DNAH14: variants seen among roughly 807,000 people sequenced by gnomAD.
DNAH14 encodes axonemal beta dynein heavy chain 14.
DNAH14 carries 478 observed loss-of-function variants against 520.9 expected under a neutral mutation model. The observed-to-expected ratio is 0.92, with a 90% confidence interval of 0.85 to 0.99. DNAH14 has a LOEUF of 0.99. DNAH14 is among the 50% of genes least tolerant of loss of function. The probability of loss-of-function intolerance (pLI) is 0.00; values close to 1 mark genes in which losing one functional copy is unlikely to be tolerated. For synonymous variants in DNAH14, 1,581 were observed against 1,757.2 expected, an observed-to-expected ratio of 0.90 and a Z score of 2.51; for missense variants, 4,831 against 5,234.5, an observed-to-expected ratio of 0.92 and a Z score of 2.38.
At chr1:225,223,976 G>T (rs1360521343) in intron 41 of DNAH14, among the ~76,000 whole-genome samples, 1 of 152,106 alleles carries the variant, frequency 6.6e-6, no homozygotes, top group African/African-American at 2.4e-5. Context: ...CAGTTAAGAG[G>T]TTTAATCATA....
chr1:225,046,319 T>C (rs938368489), intron 15 of DNAH14, among the ~76,000 whole-genome samples: 6 of 152,116 alleles, frequency 3.9e-5, no homozygotes, highest in Non-Finnish European at 8.8e-5. Flanking sequence ...ATTACAAAGG[T>C]ATTTAGAACC....
intron 27 of DNAH14, among the ~76,000 whole-genome samples, chr1:225,125,748 G>T (rs1308121479): frequency 6.6e-6 from 1 of 152,146 alleles, no homozygotes; most frequent in Non-Finnish European, 1.5e-5. Context: ...TTTTCTTCAA[G>T]AATTTTTTTC....
chr1:225,390,224 A>C (rs2095890176), intron 83 of DNAH14, among the ~76,000 whole-genome samples: 1 of 152,172 alleles, frequency 6.6e-6, no homozygotes, highest in Non-Finnish European at 1.5e-5. Context: ...GCAACTTCAC[A>C]AGATTGACTC....
At chr1:225,100,562 C>T in intron 22 of DNAH14, 151 bp from the exon 23 acceptor site, 2 of 624,332 alleles carry the variant, frequency 3.2e-6, no homozygotes, top group Non-Finnish European at 2.6e-6. Flanking sequence ...ACATAATAGG[C>T]ACTTAAAAAG....
chr1:225,013,497 G>C (rs2064970855), intron 10 of DNAH14, among the ~76,000 whole-genome samples: 1 of 152,152 alleles, frequency 6.6e-6, no homozygotes, highest in Admixed American at 6.5e-5. Flanking sequence ...TGGGAGATCT[G>C]TTACTCTCTT....
intron 67 of DNAH14, among the ~76,000 whole-genome samples, 186 bp from the exon 68 acceptor site, chr1:225,337,875 T>C (rs1295716934): frequency 2.0e-5 from 3 of 152,316 alleles, no homozygotes; most frequent in Non-Finnish European, 4.4e-5. Flanking sequence ...AATCGAATTA[T>C]ACTCTTAGTT....
chr1:225,136,525 A>G (rs1172051615), intron 27 of DNAH14, among the ~76,000 whole-genome samples: 2 of 152,086 alleles, frequency 1.3e-5, no homozygotes, highest in African/African-American at 4.8e-5. Flanking sequence ...GAGGTCCACT[A>G]TTAGTCTGAT....
chr1:225,123,144 A>G (rs964849267), intron 26 of DNAH14, among the ~76,000 whole-genome samples: 1 of 152,204 alleles, frequency 6.6e-6, no homozygotes, highest in Non-Finnish European at 1.5e-5. Context: ...TAAAAGCTAC[A>G]TGCAGGGCTT....
At chr1:225,377,168 C>G (rs749252232) in intron 78 of DNAH14, 69 bp from the exon 79 acceptor site, 23 of 1,297,758 alleles carry the variant, frequency 1.8e-5, no homozygotes, top group Middle Eastern at 2.3e-4. Context: ...CTTACTCTGG[C>G]AAAAACCAAC....
At chr1:225,060,985 G>A (rs2069984722) in intron 17 of DNAH14, among the ~76,000 whole-genome samples, 1 of 147,590 alleles carries the variant, frequency 6.8e-6, no homozygotes, top group South Asian at 2.2e-4. Context: ...GAGGCAGTCT[G>A]TCCCTTCTCA....
chr1:225,050,429 T>C (rs2068427648), intron 16 of DNAH14, 53 bp downstream of exon 16: 1 of 1,461,842 alleles, frequency 6.8e-7, no homozygotes, highest in Non-Finnish European at 9.1e-7. Context: ...AGAAACCCAC[T>C]GAATTCTTAA....
At chr1:225,172,551 T>C (rs2082819908) in intron 36 of DNAH14, among the ~76,000 whole-genome samples, 1 of 152,048 alleles carries the variant, frequency 6.6e-6, no homozygotes, top group Non-Finnish European at 1.5e-5. Context: ...GAATCCAACT[T>C]ACAAGGGATA....
In DNAH14 at chr1:225,272,910, C is replaced by T. The variant is rs753275353; in HGVS notation, c.7840-45C>T. The T allele has an allele frequency of 2.7e-6, 4 of 1,480,144 alleles. No individual in the cohort carries two copies. In the African/African-American group the frequency reaches 5.8e-5, roughly 21 times the overall value. 91.7% of individuals were successfully genotyped at this position (1,480,144 alleles called of 1,614,324 possible). On this transcript the variant is annotated intron_variant, in intron 51 of 85. Transcript: ENST00000682510. Reference sequence around the variant, plus strand: ...TTGAGCCTTCGCTTCACATACTACCCTGCTAATTTTTTTTAAAAAAACGTT... The same window carrying T: ...TTGAGCCTTCGCTTCACATACTACCTTGCTAATTTTTTTTAAAAAAACGTT...
At chr1:225,260,605 CTT>C (rs76332468) in intron 46 of DNAH14, among the ~76,000 whole-genome samples, 8 of 149,168 alleles carry the variant, frequency 5.4e-5, no homozygotes, top group South Asian at 2.1e-4. Context: ...ATGCCACAAG[CTT>C]TTTTTTTTCC....
At chr1:225,074,311 T>G (rs2071970915) in intron 17 of DNAH14, among the ~76,000 whole-genome samples, 1 of 152,120 alleles carries the variant, frequency 6.6e-6, no homozygotes, top group South Asian at 2.1e-4. Context: ...TCTTAGGAAG[T>G]TTTTAAACCT....
At chr1:225,035,462 CATT>C (rs1368629538) in intron 11 of DNAH14, among the ~76,000 whole-genome samples, 1 of 151,436 alleles carries the variant, frequency 6.6e-6, no homozygotes, top group East Asian at 1.9e-4. Flanking sequence ...TTGCTTTTCT[CATT>C]CTTTAAGATG....
chr1:225,126,775 T>C (rs969031766), intron 27 of DNAH14, among the ~76,000 whole-genome samples: 14 of 152,194 alleles, frequency 9.2e-5, no homozygotes, highest in African/African-American at 2.2e-4. Flanking sequence ...GCTCTTGCTT[T>C]TCTAGTTCTT....
chr1:225,372,389 A>G (rs569935135), intron 77 of DNAH14, among the ~76,000 whole-genome samples: 4 of 152,300 alleles, frequency 2.6e-5, no homozygotes, highest in Admixed American at 2.0e-4. Flanking sequence ...TAGACAATAA[A>G]TCGGTGGGAC....
chr1:225,048,068 C>T (rs761523543), intron 15 of DNAH14, among the ~76,000 whole-genome samples: 2 of 152,210 alleles, frequency 1.3e-5, no homozygotes, highest in African/African-American at 2.4e-5. Flanking sequence ...TTTGTAGTCA[C>T]ACTCTCTCCA....
Sources: gnomAD v4.1 joint callset for allele counts (sites outside exome capture counted in the v4.1 genomes callset) on GRCh38, gnomAD v4.1.1 for gene constraint, MANE v1.5 for transcripts, NCBI Gene and HGNC (gene_info 2026-07-23, HGNC 2026-07-21) for gene names.